Variants in CACNA1C observed in about 807,000 individuals in gnomAD.
CACNA1C encodes the protein calcium voltage-gated channel subunit alpha1 C, also known as voltage-dependent L-type calcium channel subunit alpha-1C.
CACNA1C carries 30 observed loss-of-function variants against 229.0 expected under a neutral mutation model. That is an observed-to-expected ratio of 0.13 (90% CI 0.10 to 0.18). CACNA1C has a LOEUF of 0.18. Among genes scored for constraint, CACNA1C ranks in the 10% least tolerant of loss-of-function variants. CACNA1C has a pLI of 1.00. For missense variants in CACNA1C, 1,658 were observed against 2,845.0 expected (o/e 0.58, Z 9.49); for synonymous variants, 1,114 against 1,132.5 (o/e 0.98, Z 0.33).
intron 1 of CACNA1C, among the ~76,000 whole-genome samples, chr12:1,988,722 T>G (rs2038516304): frequency 6.6e-6 from 1 of 152,220 alleles, no homozygotes; most frequent in African/African-American, 2.4e-5. Flanking sequence ...AACCACTCAC[T>G]TTAGAAGGCA....
Position 2,636,169 on chromosome 12 carries a change from C to G in CACNA1C, c.3912+1789C>G, listed in dbSNP as rs112975535. ...GCCCTCAGGAGGTTTCCTTTCCAGA[C>G]AGCAGTGCAGAGCCACATTAAAATC... On this transcript the variant is annotated intron_variant, in intron 30 of 46. Coordinates refer to ENST00000399655, the MANE Select transcript of CACNA1C (RefSeq NM_000719.7). 2.6e-5 allele frequency among the ~76,000 whole-genome samples: 4 copies of G among 152,314 alleles called. No individual in the cohort carries two copies. In the South Asian group the frequency reaches 8.3e-4, roughly 32 times the overall value.
chr12:2,393,156 A>G (rs984652081), intron 3 of CACNA1C, among the ~76,000 whole-genome samples: 1 of 152,128 alleles, frequency 6.6e-6, no homozygotes, highest in Non-Finnish European at 1.5e-5. Flanking sequence ...TTCATCTCCC[A>G]TGGAAACCTG....
intron 1 of CACNA1C, among the ~76,000 whole-genome samples, chr12:2,072,439 A>G (rs1472933476): frequency 6.6e-6 from 1 of 152,174 alleles, no homozygotes; most frequent in Admixed American, 6.5e-5. Context: ...AGGTCAGGCA[A>G]TCCGCCCGCC....
At chr12:2,310,615 G>A (rs58918154) in intron 3 of CACNA1C, among the ~76,000 whole-genome samples, 1 of 152,224 alleles carries the variant, frequency 6.6e-6, no homozygotes, top group African/African-American at 2.4e-5. Context: ...AAACAACAAG[G>A]TAGGTAACTG....
chr12:2,069,434 G>T (rs1218068490), intron 1 of CACNA1C, among the ~76,000 whole-genome samples: 1 of 152,184 alleles, frequency 6.6e-6, no homozygotes, highest in Non-Finnish European at 1.5e-5. Flanking sequence ...TACGTGTGTG[G>T]ATGTGCATTT....
At position 2,678,282 on chromosome 12, in the gene CACNA1C, C is replaced by T. The variant is rs933155181; in HGVS notation, c.5091+415C>T. On this transcript the variant is annotated intron_variant, in intron 41 of 46. Transcript: ENST00000399655. The surrounding 1 kb of genome is among the most constrained non-coding windows in gnomAD (Gnocchi z 4.1). ...AGTCAGGAGACCTGGTAATATTAAGCTTGCATTCCCACAGGGCAGCAGAGG... is the reference window on the plus strand; with the variant it reads ...AGTCAGGAGACCTGGTAATATTAAGTTTGCATTCCCACAGGGCAGCAGAGG... Among the ~76,000 whole-genome samples the T allele has an allele frequency of 2.0e-5, 3 of 152,176 alleles. No homozygotes were observed. The highest frequency in any genetic ancestry group is 4.4e-5 in the Non-Finnish European group (3 of 68,028).
At position 2,357,970 on chromosome 12, in the gene CACNA1C, CAAAA is replaced by C. The variant is rs34774514; in HGVS notation, c.478-90988_478-90985del. Among the ~76,000 whole-genome samples, 945 of 106,308 alleles carry C rather than the reference CAAAA, an allele frequency of 8.9e-3. 4 individuals carry two copies. The highest frequency in any genetic ancestry group is 0.014 in the Non-Finnish European group (710 of 52,122). 69.7% of individuals were successfully genotyped at this position (106,308 alleles called of 152,430 possible). A position where few individuals can be genotyped will look rare whatever the true frequency, so the allele number is the denominator to read the frequency against. Reference sequence around the variant, plus strand: ...GGGCAACAAGAGTGAAACTCAGTCTCAAAAAAAAAAAAAAAAAAAAATCGCAACA... The same window carrying C: ...GGGCAACAAGAGTGAAACTCAGTCTCAAAAAAAAAAAAAAAAATCGCAACA... On this transcript the variant is annotated intron_variant, in intron 3 of 46. Coordinates refer to ENST00000399655, the MANE Select transcript of CACNA1C (RefSeq NM_000719.7).
chr12:2,184,359 G>T (rs1284198214), intron 3 of CACNA1C, among the ~76,000 whole-genome samples: 3 of 152,222 alleles, frequency 2.0e-5, no homozygotes, highest in Non-Finnish European at 2.9e-5. Flanking sequence ...ATACCCTTGT[G>T]TTTACCACTA....
intron 3 of CACNA1C, among the ~76,000 whole-genome samples, chr12:2,398,674 A>G (rs2098631254): frequency 6.6e-6 from 1 of 152,156 alleles, no homozygotes; most frequent in South Asian, 2.1e-4. Flanking sequence ...AGGGTGGCCT[A>G]CCCCACCCAA....
intron 29 of CACNA1C, among the ~76,000 whole-genome samples, chr12:2,619,457 C>T (rs956177298): frequency 2.6e-5 from 4 of 152,146 alleles, no homozygotes; most frequent in South Asian, 2.1e-4. Flanking sequence ...GGTATTCTGT[C>T]GTCTTTCATC....
At chr12:2,307,580 G>T (rs1416223896) in intron 3 of CACNA1C, among the ~76,000 whole-genome samples, 1 of 152,132 alleles carries the variant, frequency 6.6e-6, no homozygotes, top group African/African-American at 2.4e-5. Flanking sequence ...CCCACCCAGG[G>T]CACTTTGTAA....
chr12:2,118,256 G>C (rs2084889221), intron 2 of CACNA1C, among the ~76,000 whole-genome samples: 1 of 152,204 alleles, frequency 6.6e-6, no homozygotes. Context: ...CTGGGTGTGT[G>C]TGCACGGGTC....
intron 3 of CACNA1C, among the ~76,000 whole-genome samples, chr12:2,357,138 A>G (rs2097394188): frequency 6.6e-6 from 1 of 152,322 alleles, no homozygotes; most frequent in East Asian, 1.9e-4. Context: ...AAACTGGACA[A>G]GATTAGAAGT....
chr12:2,593,995 G>A (rs2066811997), intron 19 of CACNA1C, among the ~76,000 whole-genome samples: 7 of 152,282 alleles, frequency 4.6e-5, no homozygotes, highest in African/African-American at 7.2e-5. Context: ...CTGTGTACAC[G>A]ATTTTAGACA....
rs772125622 is a variant in CACNA1C at position 2,053,622 on chromosome 12, A to G, written c.49+11A>G. 1 of 1,533,062 alleles carries G rather than the reference A, an allele frequency of 6.5e-7. No homozygotes were observed. Among genetic ancestry groups the G allele is most frequent in the Admixed American group, 1.9e-5 (1 of 54,040 alleles). The allele number at this position is 1,533,062 out of a possible 1,614,324, so 95.0% of individuals were successfully genotyped here. On this transcript the variant is annotated intron_variant, in intron 1 of 46. Transcript: ENST00000399655. The surrounding 1 kb of genome is among the most constrained non-coding windows in gnomAD (Gnocchi z 5.8). ...AGGAAAACCACCAAGGTAAGGCTGGACCCCGCCGCCTCGCCGGGGCTCCCT... is the reference window on the plus strand; with the variant it reads ...AGGAAAACCACCAAGGTAAGGCTGGGCCCCGCCGCCTCGCCGGGGCTCCCT...
At chr12:2,161,671 G>A (rs2095863186) in intron 3 of CACNA1C, among the ~76,000 whole-genome samples, 1 of 152,240 alleles carries the variant, frequency 6.6e-6, no homozygotes, top group African/African-American at 2.4e-5. Context: ...CAGCCAAACT[G>A]ACGGTGCTGT....
intron 3 of CACNA1C, among the ~76,000 whole-genome samples, chr12:2,139,510 A>G (rs2093921833): frequency 6.6e-6 from 1 of 151,186 alleles, no homozygotes; most frequent in Non-Finnish European, 1.5e-5. Flanking sequence ...GGCCTTGCGC[A>G]TGTCTGTGAG....
At chr12:2,044,351 T>C (rs1375399497) in intron 1 of CACNA1C, among the ~76,000 whole-genome samples, 1 of 152,202 alleles carries the variant, frequency 6.6e-6, no homozygotes, top group Non-Finnish European at 1.5e-5. Flanking sequence ...TGGAAGTCAT[T>C]CGGCAAGTTC....
At chr12:2,548,923 A>G (rs1382511937) in intron 9 of CACNA1C, among the ~76,000 whole-genome samples, 1 of 152,206 alleles carries the variant, frequency 6.6e-6, no homozygotes, top group Non-Finnish European at 1.5e-5. Context: ...GAGGAACAGC[A>G]GAACCAGGAC....
Sources: gnomAD v4.1 joint callset for allele counts (sites outside exome capture counted in the v4.1 genomes callset) on GRCh38, gnomAD v4.1.1 for gene constraint, Gnocchi (gnomAD v3.1) non-coding constraint, MANE v1.5 for transcripts, NCBI Gene and HGNC (gene_info 2026-07-23, HGNC 2026-07-21) for gene names.